Variants in CCT6A observed in about 807,000 individuals in gnomAD.
The protein encoded by CCT6A is T-complex protein 1 subunit zeta.
CCT6A carries 6 observed loss-of-function variants against 58.6 expected under a neutral mutation model. That is an observed-to-expected ratio of 0.10 (90% CI 0.06 to 0.20). CCT6A has a LOEUF of 0.20. Among genes scored for constraint, CCT6A ranks in the 10% least tolerant of loss-of-function variants. The probability of loss-of-function intolerance (pLI) is 1.00; values close to 1 mark genes in which losing one functional copy is unlikely to be tolerated. For synonymous variants in CCT6A, 245 were observed against 227.8 expected, an observed-to-expected ratio of 1.08 and a Z score of -0.68; for missense variants, 516 against 648.8, an observed-to-expected ratio of 0.80 and a Z score of 2.22.
At chr7:56,054,167 C>G (rs1303164266) in intron 2 of CCT6A, among the ~76,000 whole-genome samples, 1 of 152,118 alleles carries the variant, frequency 6.6e-6, no homozygotes, top group African/African-American at 2.4e-5. Flanking sequence ...GTAGAGATAA[C>G]CTGGGAAATA....
intron 5 of CCT6A, among the ~76,000 whole-genome samples, 182 bp downstream of exon 5, chr7:56,056,596 A>T (rs1176457281): frequency 6.6e-6 from 1 of 151,586 alleles, no homozygotes; most frequent in Non-Finnish European, 1.5e-5. Flanking sequence ...GCCGGGCATG[A>T]CTGTAATCCC....
chr7:56,057,924 T>C, intron 5 of CCT6A, 69 bp from the exon 6 acceptor site: 2 of 838,132 alleles, frequency 2.4e-6, no homozygotes, highest in Non-Finnish European at 4.1e-6. Context: ...TACCTTCTCA[T>C]TTCAGTGTTT....
intron 11 of CCT6A, 70 bp downstream of exon 11, chr7:56,061,010 T>A (rs1794420490): frequency 6.7e-7 from 1 of 1,493,598 alleles, no homozygotes; most frequent in South Asian, 1.3e-5. Flanking sequence ...AATGTAGGAT[T>A]TATTCATAAA....
chr7:56,062,974 C>A, intron 13 of CCT6A, 39 bp from the exon 14 acceptor site: 1 of 1,484,610 alleles, frequency 6.7e-7, no homozygotes. Context: ...ATTAGGGCTC[C>A]TAATCATCTG....
chr7:56,058,260 G>A, intron 6 of CCT6A, 102 bp from the exon 7 acceptor site: 1 of 935,182 alleles, frequency 1.1e-6, no homozygotes, highest in African/African-American at 1.7e-5. Context: ...TAAGGGGCAG[G>A]ATTGGAGCTC....
At chr7:56,054,281 C>T (rs1278680768) in intron 2 of CCT6A, 88 bp from the exon 3 acceptor site, 4 of 1,149,600 alleles carry the variant, frequency 3.5e-6, no homozygotes, top group South Asian at 1.6e-5. Context: ...GTAGATAGCA[C>T]TCAAAGAGGC....
intron 8 of CCT6A, among the ~76,000 whole-genome samples, chr7:56,059,260 C>A (rs566944560): frequency 6.6e-6 from 1 of 152,112 alleles, no homozygotes; most frequent in Non-Finnish European, 1.5e-5. Flanking sequence ...CTCAACCTCC[C>A]AAAGTGTTGG....
chr7:56,062,300 G>A (rs1209485445), intron 12 of CCT6A, among the ~76,000 whole-genome samples: 1 of 152,190 alleles, frequency 6.6e-6, no homozygotes, highest in Non-Finnish European at 1.5e-5. Flanking sequence ...CACAAATTAA[G>A]TACAAAGTAG....
chr7:56,057,184 C>T (rs900739206), intron 5 of CCT6A, among the ~76,000 whole-genome samples: 1 of 151,934 alleles, frequency 6.6e-6, no homozygotes, highest in African/African-American at 2.4e-5. Context: ...AATATTTTCT[C>T]CTGAAATAAG....
rs758034979 is a variant in CCT6A at position 56,057,216 on chromosome 7, A to C, written c.615-777A>C. On this transcript the variant is annotated intron_variant, in intron 5 of 13. Coordinates refer to ENST00000275603, the MANE Select transcript of CCT6A (RefSeq NM_001762.4). The stretch of plus-strand genomic sequence containing the variant: ...TAAGGTGAATGTTATGTTTATGGTT[A>C]GAATGATTCTGAAAAGTGAACAACA... 4.6e-5 allele frequency among the ~76,000 whole-genome samples: 7 copies of C among 152,352 alleles called. No individual in the cohort carries two copies. The East Asian group carries it at 1.3e-3, about 29-fold the overall frequency.
Position 56,060,831 on chromosome 7 carries a change from C to T in CCT6A, c.1238C>T (p.Ala413Val). 8 of 1,612,438 alleles carry T rather than the reference C, an allele frequency of 5.0e-6. No homozygotes were observed. Among genetic ancestry groups the T allele is most frequent in the Non-Finnish European group, 6.8e-6 (8 of 1,179,852 alleles). Reference sequence around the variant, plus strand: ...GGCTGTGTGGTTCCAGGTGCTGGTGCCGTGGAAGTGGCAATGGCAGAAGCC... The same window carrying T: ...GGCTGTGTGGTTCCAGGTGCTGGTGTCGTGGAAGTGGCAATGGCAGAAGCC... ...DDGCVVPGAG[A>V]VEVAMAEALI... Residue 413 changes from alanine (A) to valine (V), a missense_variant, in exon 11 of 14, where the codon GCC (alanine) becomes GTC (valine). Coordinates refer to ENST00000275603, the MANE Select transcript of CCT6A (RefSeq NM_001762.4).
At chr7:56,058,256 G>T (rs2117342649) in intron 6 of CCT6A, 106 bp from the exon 7 acceptor site, 2 of 906,064 alleles carry the variant, frequency 2.2e-6, no homozygotes, top group East Asian at 2.6e-5. Context: ...TGCATAAGGG[G>T]CAGGATTGGA....
At chr7:56,057,109 A>T (rs1185164866) in intron 5 of CCT6A, among the ~76,000 whole-genome samples, 1 of 152,096 alleles carries the variant, frequency 6.6e-6, no homozygotes, top group African/African-American at 2.4e-5. Flanking sequence ...CTTTGGATAT[A>T]AAATGTTATA....
At chr7:56,062,882 C>G (rs1794499294) in intron 13 of CCT6A, 127 bp downstream of exon 13, 3 of 1,120,682 alleles carry the variant, frequency 2.7e-6, no homozygotes, top group Admixed American at 1.7e-5. Context: ...ACTGAACTAG[C>G]CCTCTGATGT....
Position 56,055,812 on chromosome 7 carries a change from T to A in CCT6A, c.510+15T>A. The A allele has an allele frequency of 6.2e-7, 1 of 1,601,362 alleles. No homozygotes were observed. The highest frequency in any genetic ancestry group is 1.1e-5 in the South Asian group (1 of 90,436). On this transcript the variant is annotated intron_variant, in intron 4 of 13. Transcript: ENST00000275603. ...TCTTAACAGAGGTATGTATTAAATT[T>A]TGTCTATGTCTGGTATAGTATACCT...
Position 56,063,017 on chromosome 7 carries a change from G to C in CCT6A, c.1528G>C (p.Val510Leu). The change falls in exon 14 of 14, where the codon GTG (valine) becomes CTG (leucine). Residue 510 changes from valine (V) to leucine (L), a missense_variant. Around this residue, in one of 3 missense-constraint regions of CCT6A, gnomAD observed 315 missense variants for 389.4 expected, o/e 0.81. Transcript: ENST00000275603. ...VKKQLLHSCT[V>L]IATNILLVDE... ...TTATTTTTGTCCCCCTTTCAGCACT[G>C]TGATTGCCACCAACATTCTCTTGGT... 6.2e-7 allele frequency: 1 copy of C among 1,612,028 alleles called. No homozygotes were observed. The highest frequency in any genetic ancestry group is 8.5e-7 in the Non-Finnish European group (1 of 1,178,074).
intron 3 of CCT6A, 87 bp from the exon 4 acceptor site, chr7:56,055,537 A>G: frequency 9.0e-7 from 1 of 1,116,254 alleles, no homozygotes; most frequent in Admixed American, 1.9e-5. Context: ...ATGATCCAGA[A>G]CACTCCTTCA....
chr7:56,051,819 A>C lies in CCT6A; in HGVS notation c.-30A>C, dbSNP rs1210272462. 3 of 1,548,302 alleles carry C rather than the reference A, an allele frequency of 1.9e-6. No homozygotes were observed. Among genetic ancestry groups the C allele is most frequent in the East Asian group, 2.5e-5 (1 of 40,506 alleles). ...GCCGCGCCGGCTCTGGGCACTCAGC[A>C]TCGTTTCCTTTTCCTCCGCTGGAGC... On this transcript the variant is annotated 5_prime_UTR_variant, in exon 1 of 14. Transcript: ENST00000275603.
intron 2 of CCT6A, among the ~76,000 whole-genome samples, chr7:56,053,109 C>T (rs1349081306): frequency 6.6e-6 from 1 of 152,116 alleles, no homozygotes. Context: ...TTTAAAACAG[C>T]AGTTTCTCTG....
Sources: gnomAD v4.1 joint callset for allele counts (sites outside exome capture counted in the v4.1 genomes callset) on GRCh38, gnomAD v4.1.1 for gene constraint, gnomAD v4.1.1 regional missense constraint, MANE v1.5 for transcripts, NCBI Gene and HGNC (gene_info 2026-07-23, HGNC 2026-07-21) for gene names.